The following KCNT1 variants were observed in gnomAD, a reference collection of about 807,000 sequenced individuals.
KCNT1 encodes the protein potassium channel subfamily T member 1.
A neutral mutation model predicts 147.8 loss-of-function variants in KCNT1; 78 were observed. That is an observed-to-expected ratio of 0.53 (90% CI 0.44 to 0.64). The LOEUF is 0.64. Ranked by LOEUF, KCNT1 falls within the 30% of genes least tolerant of loss-of-function variation. KCNT1 has a pLI of 0.00. For synonymous variants in KCNT1, 867 were observed against 748.8 expected, an observed-to-expected ratio of 1.16 and a Z score of -2.58; for missense variants, 1,419 against 1,750.3, an observed-to-expected ratio of 0.81 and a Z score of 3.38.
rs150689646 is a variant in KCNT1, at chr9:135,775,845, C to T, written c.2349+430C>T. Among the ~76,000 whole-genome samples the T allele has an allele frequency of 1.1e-3, 169 of 152,344 alleles. 1 individual carries two copies. Among genetic ancestry groups the T allele is most frequent in the African/African-American group, 3.9e-3 (161 of 41,560 alleles). The stretch of plus-strand genomic sequence containing the variant: ...GGCCCCGAAGGCCTTCAGCGTCCTG[C>T]GTGGCAGTGTTTTCCCCACCGGGAG... On this transcript the variant is annotated intron_variant, in intron 20 of 30. Coordinates refer to ENST00000371757, the MANE Select transcript of KCNT1 (RefSeq NM_020822.3).
chr9:135,716,068 G>C (rs944003920), intron 2 of KCNT1, among the ~76,000 whole-genome samples: 1 of 152,214 alleles, frequency 6.6e-6, no homozygotes, highest in Non-Finnish European at 1.5e-5. Flanking sequence ...CCAGGGCGGC[G>C]TGCGTGGCTG....
At chr9:135,779,647 G>T (rs1406786570) in intron 24 of KCNT1, among the ~76,000 whole-genome samples, 177 bp downstream of exon 24, 1 of 152,180 alleles carries the variant, frequency 6.6e-6, no homozygotes, top group Non-Finnish European at 1.5e-5. Flanking sequence ...CTTGATGGTG[G>T]AACCAGGAGA....
rs10776845 is a variant in KCNT1 at position 135,778,130 on chromosome 9, C to A, written c.2523-294C>A. On this transcript the variant is annotated intron_variant, in intron 21 of 30. Coordinates refer to ENST00000371757, the MANE Select transcript of KCNT1 (RefSeq NM_020822.3). ...AGGATTGGGGTGGAGGGATAAATGG[C>A]TCTTCCTCCTGGGCACCTTTTTGCC... 0.26 allele frequency among the ~76,000 whole-genome samples: 39,736 copies of A among 152,104 alleles called. 5,751 individuals are homozygous for A. Among genetic ancestry groups the A allele is most frequent in the African/African-American group, 0.39 (16,164 of 41,484 alleles).
At position 135,783,992 on chromosome 9, in the gene KCNT1, C is replaced by T. The variant is rs373548934; in HGVS notation, c.2842-32C>T. 1.0e-4 allele frequency: 157 copies of T among 1,573,282 alleles called. 3 individuals carry two copies. In the African/African-American group the frequency reaches 1.3e-3, roughly 13 times the overall value. ...CCGTGCCACTGGAGGGACCTCGGCACCAGCCCATCTGAGGCCCCTCCTTTC... is the reference window on the plus strand; with the variant it reads ...CCGTGCCACTGGAGGGACCTCGGCATCAGCCCATCTGAGGCCCCTCCTTTC... On this transcript the variant is annotated intron_variant, in intron 24 of 30. Coordinates refer to ENST00000371757, the MANE Select transcript of KCNT1 (RefSeq NM_020822.3).
intron 2 of KCNT1, among the ~76,000 whole-genome samples, chr9:135,715,328 AG>A (rs1835681006): frequency 6.6e-6 from 1 of 152,262 alleles, no homozygotes; most frequent in Non-Finnish European, 1.5e-5. Context: ...GGAAGCTGGA[AG>A]AAATGTTGCT....
intron 20 of KCNT1, 54 bp downstream of exon 20, chr9:135,775,469 G>A (rs527282282): frequency 5.0e-5 from 65 of 1,302,762 alleles, no homozygotes; most frequent in South Asian, 2.0e-4. Context: ...GCACCGGGCC[G>A]TGCATACCTG....
chr9:135,765,817 C>T, intron 13 of KCNT1, 57 bp downstream of exon 13: 3 of 1,463,768 alleles, frequency 2.0e-6, no homozygotes, highest in Non-Finnish European at 2.8e-6. Context: ...GTCAGGTCGG[C>T]TGCTCAGGGC....
chr9:135,764,039 C>T (rs989080992), intron 11 of KCNT1, among the ~76,000 whole-genome samples: 1 of 152,188 alleles, frequency 6.6e-6, no homozygotes, highest in Non-Finnish European at 1.5e-5. Flanking sequence ...GGCAGTGGAG[C>T]CTCGTCACCG....
chr9:135,782,954 G>A (rs562123050), intron 24 of KCNT1, among the ~76,000 whole-genome samples: 2 of 152,334 alleles, frequency 1.3e-5, no homozygotes, highest in African/African-American at 4.8e-5. Flanking sequence ...GAACCCGGAG[G>A]AAAAGGGGCT....
chr9:135,768,741 G>C, intron 14 of KCNT1, 68 bp downstream of exon 14: 1 of 1,537,996 alleles, frequency 6.5e-7, no homozygotes, highest in South Asian at 1.2e-5. Context: ...GGGTCCCTGA[G>C]GGAAGAGACC....
intron 1 of KCNT1, among the ~76,000 whole-genome samples, chr9:135,708,948 C>T (rs773587938): frequency 2.6e-5 from 4 of 152,212 alleles, no homozygotes; most frequent in Admixed American, 1.3e-4. Context: ...GAGCCCCACC[C>T]GGGGCAGAAA....
chr9:135,702,832 G>A (rs1016265452), intron 1 of KCNT1, among the ~76,000 whole-genome samples: 1 of 152,074 alleles, frequency 6.6e-6, no homozygotes, highest in Non-Finnish European at 1.5e-5. Flanking sequence ...GGTTTCCAGA[G>A]CAACCTTCCA....
At chr9:135,719,972 A>G (rs1412064948) in intron 2 of KCNT1, among the ~76,000 whole-genome samples, 3 of 152,100 alleles carry the variant, frequency 2.0e-5, no homozygotes, top group South Asian at 2.1e-4. Context: ...AGCAACACCA[A>G]ATATTTTTTC....
At chr9:135,727,766 A>G (rs1368342438) in intron 2 of KCNT1, among the ~76,000 whole-genome samples, 1 of 152,192 alleles carries the variant, frequency 6.6e-6, no homozygotes, top group Non-Finnish European at 1.5e-5. Context: ...TGGGGCCCAC[A>G]GGGGAGCAAA....
rs946765786 is a variant in KCNT1, at chr9:135,730,582, C to T, written c.254+15862C>T. On this transcript the variant is annotated intron_variant, in intron 2 of 30. Transcript: ENST00000371757. This position sits in a 1 kb window ranked among gnomAD's most constrained non-coding sequence, Gnocchi z 4.7. The stretch of plus-strand genomic sequence containing the variant: ...CCCAGCCGGGGAGGGTGGTGGTCAC[C>T]GGAAGCTGGAAGAGGCAAGGAAATG... 2.0e-5 allele frequency among the ~76,000 whole-genome samples: 3 copies of T among 151,996 alleles called. No homozygotes were observed. The highest frequency in any genetic ancestry group is 2.9e-5 in the Non-Finnish European group (2 of 67,998).
In KCNT1 at chr9:135,770,938, C is replaced by A. The variant is rs1275903338; in HGVS notation, c.1851C>A (p.Ala617=). The part of the protein sequence containing the change: ...LLNPGPRHIL[A]ASDTCFYINI... ...ACCCGGGGCCCCGGCACATCCTGGC[C>A]GCCTCTGACACCTGCTTCTACATCA... The change falls in exon 18 of 31, where the codon GCC becomes GCA. Residue 617 remains alanine (A), a synonymous_variant. Coordinates refer to ENST00000371757, the MANE Select transcript of KCNT1 (RefSeq NM_020822.3). 1 of 1,613,214 alleles carries A rather than the reference C, an allele frequency of 6.2e-7. No individual in the cohort carries two copies. Among genetic ancestry groups the A allele is most frequent in the Non-Finnish European group, 8.5e-7 (1 of 1,179,620 alleles).
intron 2 of KCNT1, among the ~76,000 whole-genome samples, chr9:135,715,782 G>C (rs922021688): frequency 9.9e-5 from 15 of 152,112 alleles, no homozygotes; most frequent in Non-Finnish European, 1.8e-4. Flanking sequence ...GTAAAAAGGG[G>C]GTCTTAAAAC....
At chr9:135,738,253 C>T (rs1271088388) in intron 2 of KCNT1, among the ~76,000 whole-genome samples, 1 of 152,220 alleles carries the variant, frequency 6.6e-6, no homozygotes, top group African/African-American at 2.4e-5. Flanking sequence ...TGGCCTCGCT[C>T]ATCCCCCGGC....
rs781360083 is a variant in KCNT1, at chr9:135,788,050, A to G, written c.3502+1529A>G. The stretch of plus-strand genomic sequence containing the variant: ...GGCCGCCCGCACCTCGCTTGCTGAT[A>G]TTCTCTCTCTCTCTCTTTCTGTCTG... On this transcript the variant is annotated intron_variant, in intron 29 of 30. Coordinates refer to ENST00000371757, the MANE Select transcript of KCNT1 (RefSeq NM_020822.3). The G allele has an allele frequency of 2.3e-5, 29 of 1,288,102 alleles. 1 individual carries two copies. Among genetic ancestry groups the G allele is most frequent in the South Asian group, 5.9e-5 (5 of 84,290 alleles). 79.8% of individuals were successfully genotyped at this position (1,288,102 alleles called of 1,614,324 possible).
Sources: gnomAD v4.1 joint callset for allele counts (sites outside exome capture counted in the v4.1 genomes callset) on GRCh38, gnomAD v4.1.1 for gene constraint, Gnocchi (gnomAD v3.1) non-coding constraint, MANE v1.5 for transcripts, NCBI Gene and HGNC (gene_info 2026-07-23, HGNC 2026-07-21) for gene names.